SLC14A2: variants seen among roughly 807,000 people sequenced by gnomAD.
SLC14A2 encodes the protein solute carrier family 14 member 2, also known as urea transporter 2.
SLC14A2 carries 91 observed loss-of-function variants against 104.6 expected under a neutral mutation model. The observed-to-expected ratio is 0.87, with a 90% confidence interval of 0.73 to 1.04. The LOEUF (loss-of-function observed/expected upper bound fraction) is 1.04, where lower values mean the gene tolerates loss of function less well. SLC14A2 is among the 50% of genes least tolerant of loss of function. SLC14A2 has a pLI of 0.00. For missense variants in SLC14A2, 1,189 were observed against 1,156.0 expected (o/e 1.03, Z -0.41); for synonymous variants, 476 against 466.4 (o/e 1.02, Z -0.27).
intron 1 of SLC14A2, among the ~76,000 whole-genome samples, chr18:45,389,471 A>T (rs2543014): frequency 6.6e-6 from 1 of 151,954 alleles, no homozygotes; most frequent in Non-Finnish European, 1.5e-5. Context: ...CATAATCAAG[A>T]GCTGACCATT....
At chr18:45,418,754 G>A (rs34555359) in intron 1 of SLC14A2, among the ~76,000 whole-genome samples, 54,397 of 152,064 alleles carry the variant, frequency 0.36, 11,726 homozygotes, top group Non-Finnish European at 0.48. Flanking sequence ...AAGGACGAAC[G>A]AAGACATTTT....
chr18:45,551,331 A>G (rs908791981), intron 2 of SLC14A2, among the ~76,000 whole-genome samples: 7 of 152,328 alleles, frequency 4.6e-5, no homozygotes, highest in East Asian at 1.9e-4. Flanking sequence ...CAACTCCCCA[A>G]TACCCAGGAC....
At chr18:45,260,429 A>C (rs933503288) in intron 1 of SLC14A2, among the ~76,000 whole-genome samples, 1 of 152,224 alleles carries the variant, frequency 6.6e-6, no homozygotes, top group East Asian at 1.9e-4. Context: ...TCAACTTTTA[A>C]AAACTTCACA....
At chr18:45,300,582 A>G (rs1214367385) in intron 1 of SLC14A2, among the ~76,000 whole-genome samples, 1 of 152,222 alleles carries the variant, frequency 6.6e-6, no homozygotes, top group Non-Finnish European at 1.5e-5. Flanking sequence ...TAGATGATGC[A>G]GGGGATGTGA....
chr18:45,674,609 T>C (rs994222378), intron 18 of SLC14A2, among the ~76,000 whole-genome samples: 4 of 143,928 alleles, frequency 2.8e-5, no homozygotes, highest in African/African-American at 5.1e-5. Flanking sequence ...TGTAGTTACT[T>C]AAAAAAAAAA....
chr18:45,452,339 A>T (rs1446492302), intron 1 of SLC14A2, among the ~76,000 whole-genome samples: 1 of 152,228 alleles, frequency 6.6e-6, no homozygotes, highest in Non-Finnish European at 1.5e-5. Flanking sequence ...TTTAAAGTGC[A>T]TTATTGCCAA....
intron 2 of SLC14A2, among the ~76,000 whole-genome samples, chr18:45,625,349 T>C (rs1043249879): frequency 2.0e-5 from 3 of 152,248 alleles, no homozygotes; most frequent in African/African-American, 4.8e-5. Flanking sequence ...TATAACTGCA[T>C]TTCAGTATAA....
At chr18:45,411,267 G>T (rs972890971) in intron 1 of SLC14A2, among the ~76,000 whole-genome samples, 2 of 152,152 alleles carry the variant, frequency 1.3e-5, no homozygotes, top group African/African-American at 4.8e-5. Context: ...AATTTATCCA[G>T]TGCTTTTGTA....
At chr18:45,672,733 T>C (rs1295548783) in intron 16 of SLC14A2, among the ~76,000 whole-genome samples, 167 bp from the exon 17 acceptor site, 4 of 152,206 alleles carry the variant, frequency 2.6e-5, no homozygotes, top group African/African-American at 9.7e-5. Flanking sequence ...ATTAAGATAA[T>C]AAAGCTTTTG....
intron 4 of SLC14A2, among the ~76,000 whole-genome samples, chr18:45,629,861 T>C (rs560056666): frequency 1.8e-4 from 27 of 152,222 alleles, no homozygotes; most frequent in Non-Finnish European, 3.4e-4. Flanking sequence ...TGTCATTTGA[T>C]GGGTCCTACA....
intron 1 of SLC14A2, among the ~76,000 whole-genome samples, chr18:45,239,930 T>A (rs2084294577): frequency 6.6e-6 from 1 of 152,148 alleles, no homozygotes. Flanking sequence ...CACATCAATG[T>A]CACAAATGAC....
intron 1 of SLC14A2, among the ~76,000 whole-genome samples, chr18:45,374,837 A>G (rs956772127): frequency 1.3e-5 from 2 of 152,234 alleles, no homozygotes; most frequent in African/African-American, 4.8e-5. Context: ...CAGAAGGATT[A>G]GGGAACTCAA....
At chr18:45,540,019 C>T (rs1292005650) in intron 2 of SLC14A2, among the ~76,000 whole-genome samples, 1 of 152,058 alleles carries the variant, frequency 6.6e-6, no homozygotes, top group East Asian at 1.9e-4. Context: ...AAAATTTTAT[C>T]TCTGGTATGA....
intron 1 of SLC14A2, among the ~76,000 whole-genome samples, chr18:45,437,013 G>C (rs1376536552): frequency 6.6e-6 from 1 of 152,158 alleles, no homozygotes; most frequent in African/African-American, 2.4e-5. Context: ...GGAGACCAGA[G>C]ACTGGAGCCC....
chr18:45,623,426 CAG>C (rs1257958848), intron 1 of SLC14A2, among the ~76,000 whole-genome samples: 1 of 152,148 alleles, frequency 6.6e-6, no homozygotes, highest in African/African-American at 2.4e-5. Context: ...CTCTGAATGA[CAG>C]AGTGACCAGA....
chr18:45,510,038 C>T (rs2043342734), intron 2 of SLC14A2, among the ~76,000 whole-genome samples: 1 of 152,196 alleles, frequency 6.6e-6, no homozygotes, highest in Non-Finnish European at 1.5e-5. Flanking sequence ...ATTTCTCCCT[C>T]ACCTCCTCAC....
At chr18:45,253,338 G>A (rs945825523) in intron 1 of SLC14A2, among the ~76,000 whole-genome samples, 7 of 152,088 alleles carry the variant, frequency 4.6e-5, no homozygotes, top group African/African-American at 1.4e-4. Context: ...TAGAAAACAC[G>A]GTGGACGAAG....
intron 1 of SLC14A2, among the ~76,000 whole-genome samples, chr18:45,468,639 A>T (rs2087187857): frequency 6.6e-6 from 1 of 152,030 alleles, no homozygotes; most frequent in Non-Finnish European, 1.5e-5. Context: ...ATATTAAGCA[A>T]CTCCATTGTA....
chr18:45,399,143 G>A (rs985832981), intron 1 of SLC14A2, among the ~76,000 whole-genome samples: 1 of 152,198 alleles, frequency 6.6e-6, no homozygotes, highest in Non-Finnish European at 1.5e-5. Flanking sequence ...GCAGAAAGAG[G>A]TTAAGAAACT....
Sources: gnomAD v4.1 joint callset for allele counts (sites outside exome capture counted in the v4.1 genomes callset) on GRCh38, gnomAD v4.1.1 for gene constraint, MANE v1.5 for transcripts, NCBI Gene and HGNC (gene_info 2026-07-23, HGNC 2026-07-21) for gene names.